Variants in USP38 observed in about 807,000 individuals in gnomAD.
USP38 encodes ubiquitin specific peptidase 38, also known as ubiquitin carboxyl-terminal hydrolase 38.
Under a neutral mutation model 94.3 loss-of-function variants are expected in USP38, and 49 were observed. The observed-to-expected ratio is 0.52, with a 90% confidence interval of 0.41 to 0.66. USP38 has a LOEUF of 0.66. USP38 is among the 30% of genes least tolerant of loss of function. The pLI, the probability that USP38 is intolerant of heterozygous loss-of-function variation, is 0.00. For synonymous variants in USP38, 468 were observed against 463.6 expected, an observed-to-expected ratio of 1.01 and a Z score of -0.12; for missense variants, 1,128 against 1,229.4, an observed-to-expected ratio of 0.92 and a Z score of 1.23.
At position 143,185,832 on chromosome 4, in the gene USP38, C is replaced by A; in HGVS notation, c.382C>A (p.Gln128Lys). Residue 128 changes from glutamine to lysine, a missense_variant, in exon 1 of 10, where the codon CAG becomes AAG. Coordinates refer to ENST00000307017, the MANE Select transcript of USP38 (RefSeq NM_032557.6). ...PSVLDLFSLL[Q>K]VEVLRMVCER... ...GGTGCTGGATCTCTTTAGCCTCCTG[C>A]AGGTAGAGGTGTTACGGATGGTGTG... 6.2e-7 allele frequency: 1 copy of A among 1,614,216 alleles called. No homozygotes were observed.
At chr4:143,191,187 A>G (rs959292387) in intron 2 of USP38, among the ~76,000 whole-genome samples, 23 of 152,296 alleles carry the variant, frequency 1.5e-4, no homozygotes, top group Middle Eastern at 3.4e-3. Context: ...CAAACATAGC[A>G]GTGATCATGT....
chr4:143,212,753 A>G (rs983883150), intron 8 of USP38, among the ~76,000 whole-genome samples: 12 of 152,142 alleles, frequency 7.9e-5, no homozygotes, highest in African/African-American at 2.9e-4. Flanking sequence ...CAAAAAACAT[A>G]TAACAATAGA....
chr4:143,203,505 G>C lies in USP38; in HGVS notation c.1148G>C (p.Cys383Ser). The C allele has an allele frequency of 5.0e-6, 8 of 1,611,872 alleles. No individual in the cohort carries two copies. The highest frequency in any genetic ancestry group is 6.8e-6 in the Non-Finnish European group (8 of 1,178,422). The change falls in exon 5 of 10, where the codon TGT (cysteine) becomes TCT (serine). Residue 383 changes from cysteine (C) to serine (S), a missense_variant. Physicochemically the swap from Cys to Ser is moderately radical, Grantham distance 112 (BLOSUM62 -1). Coordinates refer to ENST00000307017, the MANE Select transcript of USP38 (RefSeq NM_032557.6). The stretch of plus-strand genomic sequence containing the variant: ...GTACAATTAACAGAATTGATACACT[G>C]TATGATGTATCATTATTCTGGATTT... The part of the protein sequence containing the change: ...FLVQLTELIH[C>S]MMYHYSGFPD...
chr4:143,196,340 AT>A (rs1325673115), intron 3 of USP38, among the ~76,000 whole-genome samples: 1 of 152,180 alleles, frequency 6.6e-6, no homozygotes, highest in Non-Finnish European at 1.5e-5. Context: ...TAATTTTTTC[AT>A]TTTCAAATAT....
intron 2 of USP38, among the ~76,000 whole-genome samples, chr4:143,193,474 A>G (rs1030621116): frequency 2.6e-5 from 4 of 152,212 alleles, no homozygotes; most frequent in Non-Finnish European, 5.9e-5. Context: ...TATAAGTAGA[A>G]TGGCCACAAA....
chr4:143,197,176 G>C (rs955777510), intron 3 of USP38, among the ~76,000 whole-genome samples: 1 of 152,166 alleles, frequency 6.6e-6, no homozygotes, highest in Non-Finnish European at 1.5e-5. Flanking sequence ...AGGCCTCAAG[G>C]CCTTTGCAAT....
Position 143,213,586 on chromosome 4 carries a change from A to G in USP38, c.1610A>G (p.His537Arg). ...AATGATATCCTCTGCTGCAGGCTCC[A>G]TGAAGAAGAAAAGATCTTGAAAGTT... is the stretch of plus-strand genomic sequence containing the variant. ...EYLRFLLDRL[H>R]EEEKILKVQA... The change falls in exon 9 of 10, where the codon CAT becomes CGT. Residue 537 changes from histidine (H) to arginine (R), a missense_variant. Coordinates refer to ENST00000307017, the MANE Select transcript of USP38 (RefSeq NM_032557.6). 1 of 1,599,788 alleles carries G rather than the reference A, an allele frequency of 6.3e-7. No homozygotes were observed. Among genetic ancestry groups the G allele is most frequent in the Non-Finnish European group, 8.5e-7 (1 of 1,174,880 alleles).
At position 143,221,247 on chromosome 4, in the gene USP38, G is replaced by A. The variant is rs1274398623; in HGVS notation, c.*791G>A. On this transcript the variant is annotated 3_prime_UTR_variant, in exon 10 of 10. Transcript: ENST00000307017. ...TTGCAGTACTGTAATTCAAAAATAGGAATCTTTGGCTGCAAAATTTTAATG... is the reference window on the plus strand; with the variant it reads ...TTGCAGTACTGTAATTCAAAAATAGAAATCTTTGGCTGCAAAATTTTAATG... The A allele has an allele frequency of 1.3e-5, 2 of 152,492 alleles. No individual in the cohort carries two copies. Among genetic ancestry groups the A allele is most frequent in the African/African-American group, 4.8e-5 (2 of 41,414 alleles). The allele number at this position is 152,492 out of a possible 1,614,324, so 9.4% of individuals were successfully genotyped here.
At chr4:143,206,872 C>T (rs955697947) in intron 6 of USP38, among the ~76,000 whole-genome samples, 3 of 151,816 alleles carry the variant, frequency 2.0e-5, no homozygotes, top group Admixed American at 6.6e-5. Context: ...TTTTATCTGC[C>T]GGTCAGTATT....
intron 4 of USP38, 145 bp downstream of exon 4, chr4:143,198,069 T>A: frequency 1.7e-6 from 1 of 597,320 alleles, no homozygotes; most frequent in Non-Finnish European, 2.9e-6. Context: ...CCTAGAAAAT[T>A]GAGATTGTGA....
Position 143,214,403 on chromosome 4 carries a change from A to G in USP38, c.2427A>G (p.Val809=), listed in dbSNP as rs1732124656. The G allele has an allele frequency of 6.2e-7, 1 of 1,613,800 alleles. No homozygotes were observed. Among genetic ancestry groups the G allele is most frequent in the Non-Finnish European group, 8.5e-7 (1 of 1,179,828 alleles). The part of the protein sequence containing the change: ...SFSSLSESWS[V]DVDFTDLSEN... ...CTTCATTGTCAGAAAGTTGGTCTGTAGATGTTGACTTCACTGATCTTAGTG... is the reference window on the plus strand; with the variant it reads ...CTTCATTGTCAGAAAGTTGGTCTGTGGATGTTGACTTCACTGATCTTAGTG... The change falls in exon 9 of 10, where the codon GTA becomes GTG. Residue 809 remains valine, a synonymous_variant. Coordinates refer to ENST00000307017, the MANE Select transcript of USP38 (RefSeq NM_032557.6).
In USP38 at chr4:143,185,503, A is replaced by C; in HGVS notation, c.53A>C (p.Lys18Thr). ...AGTTCCTCGCATCCCCTGCCCCTCA[A>C]GCGGGTGATTGTGCGGAAGGTGGTG... Reference protein sequence around the residue: ...LVSSSHPLPLKRVIVRKVVES... With the variant: ...LVSSSHPLPLTRVIVRKVVES... The change falls in exon 1 of 10, where the codon AAG becomes ACG. Residue 18 changes from lysine (K) to threonine (T), a missense_variant. Lys to Thr is a moderately conservative substitution (Grantham distance 78). Coordinates refer to ENST00000307017, the MANE Select transcript of USP38 (RefSeq NM_032557.6). 6.2e-7 allele frequency: 1 copy of C among 1,610,284 alleles called. No homozygotes were observed. Among genetic ancestry groups the C allele is most frequent in the Non-Finnish European group, 8.5e-7 (1 of 1,177,772 alleles).
At chr4:143,205,631 A>C (rs1731838304) in intron 5 of USP38, among the ~76,000 whole-genome samples, 1 of 152,178 alleles carries the variant, frequency 6.6e-6, no homozygotes, top group Admixed American at 6.5e-5. Context: ...AAAATTTGAA[A>C]ACAAATTGTT....
Position 143,187,847 on chromosome 4 carries a change from T to C in USP38, c.704T>C (p.Val235Ala). The change falls in exon 2 of 10, where the codon GTA becomes GCA. Residue 235 changes from valine (V) to alanine (A), a missense_variant. By Grantham distance (64) the Val-to-Ala change is moderately conservative. Transcript: ENST00000307017. ...SSTDASFEPSVALASLVQHIP... is the reference protein window; with the variant it reads ...SSTDASFEPSAALASLVQHIP... Reference sequence around the variant, plus strand: ...ACAGATGCATCATTTGAACCTTCTGTAGCATTGGCAAGCCTTGTGCAGCAT... The same window carrying C: ...ACAGATGCATCATTTGAACCTTCTGCAGCATTGGCAAGCCTTGTGCAGCAT... 2 of 1,612,856 alleles carry C rather than the reference T, an allele frequency of 1.2e-6. No homozygotes were observed. Among genetic ancestry groups the C allele is most frequent in the South Asian group, 1.1e-5 (1 of 90,822 alleles).
At chr4:143,188,853 A>G (rs555445716) in intron 2 of USP38, among the ~76,000 whole-genome samples, 1 of 152,234 alleles carries the variant, frequency 6.6e-6, no homozygotes, top group East Asian at 1.9e-4. Context: ...TTCTAATTTC[A>G]AAGATGTTTA....
intron 9 of USP38, among the ~76,000 whole-genome samples, chr4:143,217,298 G>A (rs1732209864): frequency 1.3e-5 from 2 of 152,122 alleles, no homozygotes; most frequent in Non-Finnish European, 2.9e-5. Context: ...TATGTATACA[G>A]CAGTTTTCAG....
chr4:143,197,407 T>C (rs1156775736), intron 3 of USP38, among the ~76,000 whole-genome samples: 1 of 151,686 alleles, frequency 6.6e-6, no homozygotes, highest in East Asian at 1.9e-4. Flanking sequence ...TGTTTCTACC[T>C]GCCCTCTAGA....
Position 143,223,847 on chromosome 4 carries a change from G to A in USP38, c.*3391G>A, listed in dbSNP as rs531062738. Reference sequence around the variant, plus strand: ...TAGTTTATATATCCTTTCATCATACGTTTTTTCTAATGAGTTTAGATTTCT... The same window carrying A: ...TAGTTTATATATCCTTTCATCATACATTTTTTCTAATGAGTTTAGATTTCT... On this transcript the variant is annotated 3_prime_UTR_variant, in exon 10 of 10. Coordinates refer to ENST00000307017, the MANE Select transcript of USP38 (RefSeq NM_032557.6). 3.3e-5 allele frequency: 5 copies of A among 151,944 alleles called. No homozygotes were observed. The highest frequency in any genetic ancestry group is 1.3e-4 in the Admixed American group (2 of 15,246). The allele number at this position is 151,944 out of a possible 1,614,324, so 9.4% of individuals were successfully genotyped here.
chr4:143,211,741 A>G (rs1732029937), intron 7 of USP38, among the ~76,000 whole-genome samples: 1 of 152,154 alleles, frequency 6.6e-6, no homozygotes, highest in South Asian at 2.1e-4. Context: ...CCAGAGTCCA[A>G]AGTTTAATCA....
Sources: gnomAD v4.1 joint callset for allele counts (sites outside exome capture counted in the v4.1 genomes callset) on GRCh38, gnomAD v4.1.1 for gene constraint, MANE v1.5 for transcripts, NCBI Gene and HGNC (gene_info 2026-07-23, HGNC 2026-07-21) for gene names.